CALD1: variants seen among roughly 807,000 people sequenced by gnomAD.
CALD1 encodes the protein caldesmon.
CALD1 carries 33 observed loss-of-function variants against 99.9 expected under a neutral mutation model. The ratio of observed to expected loss-of-function variants is 0.33; its 90% CI spans 0.25 to 0.44. The LOEUF (loss-of-function observed/expected upper bound fraction) is 0.44. CALD1 is among the 20% of genes least tolerant of loss of function. The probability of loss-of-function intolerance (pLI) is 1.00; values close to 1 mark genes in which losing one functional copy is unlikely to be tolerated. For missense variants in CALD1, 861 were observed against 962.1 expected, an observed-to-expected ratio of 0.89 and a Z score of 1.39; for synonymous variants, 310 against 325.0, an observed-to-expected ratio of 0.95 and a Z score of 0.50.
intron 1 of CALD1, among the ~76,000 whole-genome samples, chr7:134,780,635 G>T (rs1797070752): frequency 1.3e-5 from 2 of 152,162 alleles, no homozygotes; most frequent in Non-Finnish European, 2.9e-5. Flanking sequence ...GCAGCTAGTT[G>T]GTAGTAGCCT....
chr7:134,815,765 T>C (rs1798536233), intron 1 of CALD1, among the ~76,000 whole-genome samples: 1 of 152,016 alleles, frequency 6.6e-6, no homozygotes, highest in Non-Finnish European at 1.5e-5. Context: ...TTAGAGAAAA[T>C]GAAAATATAG....
the CALD1 span, among the ~76,000 whole-genome samples, chr7:134,711,726 G>GTC: frequency 2.9e-3 from 285 of 96,724 alleles, 3 homozygotes; most frequent in African/African-American, 8.9e-3. Flanking sequence ...GTGTGTGTGT[G>GTC]TCTCTCTCTC....
chr7:134,922,554 T>G (rs1804692123), intron 3 of CALD1, among the ~76,000 whole-genome samples: 1 of 152,216 alleles, frequency 6.6e-6, no homozygotes, highest in Admixed American at 6.5e-5. Flanking sequence ...AATAAGAATT[T>G]TGCCAGTGTT....
intron 1 of CALD1, among the ~76,000 whole-genome samples, chr7:134,810,965 T>G (rs929840481): frequency 6.6e-6 from 1 of 152,176 alleles, no homozygotes; most frequent in Non-Finnish European, 1.5e-5. Flanking sequence ...CTGTACTGAT[T>G]GAAAATTAAT....
At chr7:134,813,236 G>C (rs908815819) in intron 1 of CALD1, among the ~76,000 whole-genome samples, 1 of 152,210 alleles carries the variant, frequency 6.6e-6, no homozygotes, top group Non-Finnish European at 1.5e-5. Context: ...AGTGAATAGA[G>C]ACAACATTTT....
At chr7:134,750,215 C>T (rs1796673573) in intron 1 of CALD1, among the ~76,000 whole-genome samples, 1 of 152,132 alleles carries the variant, frequency 6.6e-6, no homozygotes, top group African/African-American at 2.4e-5. Flanking sequence ...TGTTCACCAA[C>T]AGGAGCAAGG....
chr7:134,719,073 C>T, the CALD1 span, among the ~76,000 whole-genome samples: 2 of 152,160 alleles, frequency 1.3e-5, no homozygotes, highest in Admixed American at 6.5e-5. Context: ...CCCCAATATC[C>T]TACAGCTCAC....
chr7:134,766,225 C>G (rs1796825802), intron 1 of CALD1, among the ~76,000 whole-genome samples: 2 of 134,946 alleles, frequency 1.5e-5, no homozygotes, highest in South Asian at 2.5e-4. Flanking sequence ...GATCTTGGCT[C>G]ACTGCAACCT....
At chr7:134,821,681 C>G (rs1204363786) in intron 1 of CALD1, among the ~76,000 whole-genome samples, 5 of 143,776 alleles carry the variant, frequency 3.5e-5, no homozygotes, top group Non-Finnish European at 7.5e-5. Context: ...CTCCCAGGTT[C>G]AAGTGATTCT....
At chr7:134,739,753 A>T (rs147118174), upstream of CALD1, among the ~76,000 whole-genome samples, 390 of 152,210 alleles carry the variant, frequency 2.6e-3, 3 homozygotes, top group African/African-American at 8.6e-3. Flanking sequence ...ATGTGACTTC[A>T]CGTGAGTGAG....
upstream of CALD1, among the ~76,000 whole-genome samples, chr7:134,776,319 G>T (rs1296891596): frequency 6.6e-6 from 1 of 151,834 alleles, no homozygotes; most frequent in Non-Finnish European, 1.5e-5. Flanking sequence ...TTTTCCAAGA[G>T]TTTTTTTTCC....
intron 1 of CALD1, among the ~76,000 whole-genome samples, chr7:134,831,954 G>T (rs1019945751): frequency 1.3e-5 from 2 of 152,372 alleles, no homozygotes; most frequent in South Asian, 4.1e-4. Context: ...ATCCAAGCAG[G>T]CACGTGAGTG....
intron 1 of CALD1, among the ~76,000 whole-genome samples, chr7:134,826,325 G>A (rs959661499): frequency 6.6e-6 from 1 of 152,076 alleles, no homozygotes; most frequent in African/African-American, 2.4e-5. Context: ...CTGTTCTGCT[G>A]ATGTTGCTCC....
chr7:134,785,456 C>T (rs988950337), intron 1 of CALD1, among the ~76,000 whole-genome samples: 5 of 152,320 alleles, frequency 3.3e-5, no homozygotes, highest in Middle Eastern at 3.4e-3. Flanking sequence ...ACAAGCACAA[C>T]TCAATGTAAA....
the CALD1 span, among the ~76,000 whole-genome samples, chr7:134,719,719 T>A: frequency 1.3e-5 from 2 of 152,118 alleles, no homozygotes; most frequent in African/African-American, 2.4e-5. Context: ...CTTGTGTGTG[T>A]GCAAAAAAGA....
chr7:134,720,840 T>C, the CALD1 span, among the ~76,000 whole-genome samples: 1 of 152,224 alleles, frequency 6.6e-6, no homozygotes, highest in Non-Finnish European at 1.5e-5. Context: ...GAAGGGAACA[T>C]TGTGTCTTAT....
intron 1 of CALD1, among the ~76,000 whole-genome samples, chr7:134,802,975 A>C (rs1385376261): frequency 6.6e-6 from 1 of 152,238 alleles, no homozygotes; most frequent in African/African-American, 2.4e-5. Flanking sequence ...CAAACTGTTC[A>C]CTGCGGTGAT....
chr7:134,879,971 A>G (rs1307343038), intron 3 of CALD1, among the ~76,000 whole-genome samples: 1 of 152,158 alleles, frequency 6.6e-6, no homozygotes, highest in African/African-American at 2.4e-5. Context: ...CATTCAGGAG[A>G]GTCTCCAGAG....
At chr7:134,766,576 T>C (rs1488875315) in intron 1 of CALD1, among the ~76,000 whole-genome samples, 1 of 152,232 alleles carries the variant, frequency 6.6e-6, no homozygotes, top group African/African-American at 2.4e-5. Flanking sequence ...TGTAAGTAGA[T>C]GAGCAGTTAG....
Sources: allele counts gnomAD v4.1 joint callset (sites outside exome capture counted in the v4.1 genomes callset), GRCh38; gene constraint gnomAD v4.1.1; transcripts MANE v1.5; gene names NCBI Gene and HGNC (gene_info 2026-07-23, HGNC 2026-07-21).